SP4: variants seen among roughly 807,000 people sequenced by gnomAD.
SP4 encodes the protein transcription factor Sp4.
SP4 carries 19 observed loss-of-function variants against 72.8 expected under a neutral mutation model. The observed-to-expected ratio is 0.26, with a 90% CI of 0.18 to 0.38. The LOEUF is 0.38. SP4 is among the 10% of genes least tolerant of loss of function. The pLI, the probability that SP4 is intolerant of heterozygous loss-of-function variation, is 1.00. For missense variants in SP4, 1,008 were observed against 926.3 expected (o/e 1.09, Z -1.14); for synonymous variants, 395 against 333.1 (o/e 1.19, Z -2.02).
In SP4 at chr7:21,430,117, C is replaced by G; in HGVS notation, c.952C>G (p.Pro318Ala). 6.2e-7 allele frequency: 1 copy of G among 1,614,130 alleles called. No individual in the cohort carries two copies. The highest frequency in any genetic ancestry group is 8.5e-7 in the Non-Finnish European group (1 of 1,180,008). The change falls in exon 3 of 6, where the codon CCC becomes GCC. Residue 318 changes from proline (P) to alanine (A), a missense_variant. This residue lies in a region of SP4 where 893 missense variants were observed against 743.3 expected (regional missense o/e 1.20). Coordinates refer to ENST00000222584, the MANE Select transcript of SP4 (RefSeq NM_003112.5). ...TTSASTMPESPSSSTTCTTTA... is the reference protein window; with the variant it reads ...TTSASTMPESASSSTTCTTTA... ...TTCTGCCAGTACTATGCCAGAATCT[C>G]CCTCCTCCTCCACTACCTGCACAAC...
At chr7:21,482,485 T>C (rs1054558672) in intron 5 of SP4, 15 of 217,130 alleles carry the variant, frequency 6.9e-5, no homozygotes, top group African/African-American at 3.3e-4. Flanking sequence ...TTTAGTTTTT[T>C]TTTTTCTTAA....
chr7:21,428,712 G>T lies in SP4; in HGVS notation c.43G>T (p.Ala15Ser), dbSNP rs1583364498. The T allele has an allele frequency of 6.4e-7, 1 of 1,555,026 alleles. No homozygotes were observed. Among genetic ancestry groups the T allele is most frequent in the East Asian group, 2.4e-5 (1 of 41,094 alleles). ...KKEEEEEAAA[A>S]AAMATEGGKT... Reference sequence around the variant, plus strand: ...GGAGGAGGAGGAGGAGGCGGCAGCGGCAGCGGCGATGGCTACAGAAGGAGG... The same window carrying T: ...GGAGGAGGAGGAGGAGGCGGCAGCGTCAGCGGCGATGGCTACAGAAGGAGG... Residue 15 changes from alanine to serine, a missense_variant, in exon 2 of 6, where the codon GCA becomes TCA. Physicochemically the swap from Ala to Ser is moderately conservative, Grantham distance 99. Around this residue, in one of 3 missense-constraint regions of SP4, gnomAD observed 893 missense variants for 743.3 expected, o/e 1.20. Coordinates refer to ENST00000222584, the MANE Select transcript of SP4 (RefSeq NM_003112.5).
chr7:21,439,801 G>A (rs1583381626), intron 3 of SP4, among the ~76,000 whole-genome samples: 1 of 152,178 alleles, frequency 6.6e-6, no homozygotes, highest in Non-Finnish European at 1.5e-5. Context: ...AGGTGGCTGA[G>A]GCAGGAGGAT....
At chr7:21,453,872 A>G (rs1216774812) in intron 3 of SP4, among the ~76,000 whole-genome samples, 2 of 152,206 alleles carry the variant, frequency 1.3e-5, no homozygotes, top group African/African-American at 2.4e-5. Flanking sequence ...AATATTTCAC[A>G]CATCTGCCAC....
intron 3 of SP4, among the ~76,000 whole-genome samples, chr7:21,474,129 A>C (rs989877650): frequency 2.6e-5 from 4 of 152,214 alleles, no homozygotes; most frequent in African/African-American, 9.6e-5. Flanking sequence ...GGACATGGTC[A>C]GGGGACCAGA....
At chr7:21,496,661 A>G (rs1485839637) in intron 5 of SP4, among the ~76,000 whole-genome samples, 1 of 152,148 alleles carries the variant, frequency 6.6e-6, no homozygotes, top group Non-Finnish European at 1.5e-5. Context: ...CTTCTTGGAT[A>G]TGCAGATTAT....
chr7:21,474,694 G>T (rs1369344176), intron 3 of SP4, among the ~76,000 whole-genome samples: 1 of 152,178 alleles, frequency 6.6e-6, no homozygotes, highest in Admixed American at 6.5e-5. Flanking sequence ...GAAATTTTAT[G>T]GAAGTCAGTG....
intron 3 of SP4, among the ~76,000 whole-genome samples, chr7:21,448,507 G>C (rs182760467): frequency 1.3e-5 from 2 of 152,228 alleles, no homozygotes; most frequent in Admixed American, 1.3e-4. Context: ...AAATAGAAAT[G>C]GACAAGAATG....
At chr7:21,448,804 T>C (rs1490288137) in intron 3 of SP4, among the ~76,000 whole-genome samples, 2 of 152,244 alleles carry the variant, frequency 1.3e-5, no homozygotes, top group Non-Finnish European at 2.9e-5. Context: ...TTCTATTACA[T>C]TGTCGTTTTT....
At chr7:21,489,329 T>C (rs1229942904) in intron 5 of SP4, among the ~76,000 whole-genome samples, 1 of 151,758 alleles carries the variant, frequency 6.6e-6, no homozygotes, top group African/African-American at 2.4e-5. Context: ...TCACAGAATT[T>C]TGTTGTTGTT....
chr7:21,501,316 G>A (rs1377731489), intron 5 of SP4, among the ~76,000 whole-genome samples: 1 of 152,082 alleles, frequency 6.6e-6, no homozygotes, highest in African/African-American at 2.4e-5. Flanking sequence ...CTTGAAAATA[G>A]ATCATTTAAA....
At chr7:21,509,845 A>C (rs1782098085) in intron 5 of SP4, among the ~76,000 whole-genome samples, 1 of 152,210 alleles carries the variant, frequency 6.6e-6, no homozygotes, top group Non-Finnish European at 1.5e-5. Context: ...GCTGCTGATA[A>C]AGACATACCT....
intron 5 of SP4, among the ~76,000 whole-genome samples, chr7:21,492,179 C>G (rs1471022651): frequency 1.3e-5 from 2 of 152,044 alleles, no homozygotes; most frequent in African/African-American, 2.4e-5. Flanking sequence ...TAAAAAGCTG[C>G]TTTGTTTTAC....
rs576250396 is a variant in SP4 at position 21,428,630 on chromosome 7, C to T, written c.8-47C>T. 18 of 1,496,628 alleles carry T rather than the reference C, an allele frequency of 1.2e-5. No individual in the cohort carries two copies. The African/African-American group carries it at 1.8e-4, about 15-fold the overall frequency. The allele number at this position is 1,496,628 out of a possible 1,614,324, so 92.7% of individuals were successfully genotyped here. On this transcript the variant is annotated intron_variant, in intron 1 of 5. Coordinates refer to ENST00000222584, the MANE Select transcript of SP4 (RefSeq NM_003112.5). Reference sequence around the variant, plus strand: ...GAGGAAGAAGACGAATAATAATAATCCTAATAACCTGTTGTCGTGTGTGTG... The same window carrying T: ...GAGGAAGAAGACGAATAATAATAATTCTAATAACCTGTTGTCGTGTGTGTG...
At chr7:21,455,857 T>C (rs982998144) in intron 3 of SP4, among the ~76,000 whole-genome samples, 1 of 152,198 alleles carries the variant, frequency 6.6e-6, no homozygotes, top group African/African-American at 2.4e-5. Flanking sequence ...AAAATGATGA[T>C]CTCTTTTCTC....
chr7:21,451,176 A>G (rs548183416), intron 3 of SP4, among the ~76,000 whole-genome samples: 9 of 152,232 alleles, frequency 5.9e-5, no homozygotes, highest in Non-Finnish European at 1.3e-4. Flanking sequence ...TCTAGTGCTC[A>G]TATATCAGTT....
chr7:21,431,068 A>T (rs1463514840), intron 3 of SP4, among the ~76,000 whole-genome samples: 1 of 152,188 alleles, frequency 6.6e-6, no homozygotes, highest in East Asian at 1.9e-4. Flanking sequence ...TTAGTTTTTT[A>T]AAAAGTATTG....
At chr7:21,476,217 T>C (rs1784495635) in intron 3 of SP4, among the ~76,000 whole-genome samples, 2 of 132,876 alleles carry the variant, frequency 1.5e-5, no homozygotes, top group Non-Finnish European at 3.0e-5. Context: ...GAGGTTGCAG[T>C]GAGCCGAGAT....
chr7:21,468,539 A>G (rs376132319), intron 3 of SP4, among the ~76,000 whole-genome samples: 4 of 149,524 alleles, frequency 2.7e-5, no homozygotes, highest in Non-Finnish European at 5.9e-5. Context: ...TTCTTTTTCA[A>G]TTGTTTGTTG....
Sources: allele counts gnomAD v4.1 joint callset (sites outside exome capture counted in the v4.1 genomes callset), GRCh38; gene constraint gnomAD v4.1.1; regional missense constraint gnomAD v4.1.1; transcripts MANE v1.5; gene names NCBI Gene and HGNC (gene_info 2026-07-23, HGNC 2026-07-21).